UBE3B: variants seen among roughly 807,000 people sequenced by gnomAD.
UBE3B encodes ubiquitin-protein ligase E3B.
Under a neutral mutation model 132.3 loss-of-function variants are expected in UBE3B, and 80 were observed. That is an observed-to-expected ratio of 0.60 (90% CI 0.50 to 0.73). UBE3B has a LOEUF of 0.73. UBE3B is among the 30% of genes least tolerant of loss of function. UBE3B has a pLI of 0.00. For synonymous variants in UBE3B, 487 were observed against 520.4 expected, an observed-to-expected ratio of 0.94 and a Z score of 0.87; for missense variants, 1,196 against 1,362.5, an observed-to-expected ratio of 0.88 and a Z score of 1.92.
In UBE3B at chr12:109,499,784, C is replaced by T. The variant is rs1433168742; in HGVS notation, c.1092C>T (p.Gly364=). 2 of 1,609,306 alleles carry T rather than the reference C, an allele frequency of 1.2e-6. No homozygotes were observed. Among genetic ancestry groups the T allele is most frequent in the Non-Finnish European group, 1.7e-6 (2 of 1,177,530 alleles). ...TGACCCACTGGCATCCTGTCCTTGG[C>T]TGGTTCTCCCAATCTGTGGATTATG... ...SNLTHWHPVL[G]WFSQSVDYGL... The change falls in exon 12 of 28, where the codon GGC becomes GGT. Residue 364 remains glycine, a synonymous_variant. Transcript: ENST00000342494.
rs181237393 is a variant in UBE3B at position 109,504,883 on chromosome 12, G to T, written c.1450+1693G>T. Among the ~76,000 whole-genome samples the T allele has an allele frequency of 9.1e-4, 137 of 151,152 alleles. 1 individual carries two copies. The highest frequency in any genetic ancestry group is 3.2e-3 in the African/African-American group (131 of 41,110). On this transcript the variant is annotated intron_variant, in intron 14 of 27. Coordinates refer to ENST00000342494, the MANE Select transcript of UBE3B (RefSeq NM_130466.4). ...GCAGTAGCGCAATCTCGGCTCAACTGCAGGCTCCGCCTCCCAGGTTCACGC... is the reference window on the plus strand; with the variant it reads ...GCAGTAGCGCAATCTCGGCTCAACTTCAGGCTCCGCCTCCCAGGTTCACGC...
In UBE3B at chr12:109,507,566, C is replaced by T; in HGVS notation, c.1453C>T (p.Leu485Phe). ...GGGTTTCTCTGTGTTTTTTCCAGGT[C>T]TCACTTACCTTGATGACCTGCTTCC... The part of the protein sequence containing the change: ...TQIRLQILTG[L>F]TYLDDLLPKL... Residue 485 changes from leucine (L) to phenylalanine (F), a missense_variant and splice_region_variant, in exon 15 of 28, where the codon CTC becomes TTC. By Grantham distance (22) the Leu-to-Phe change is conservative. Transcript: ENST00000342494. 3 of 1,610,252 alleles carry T rather than the reference C, an allele frequency of 1.9e-6. No individual in the cohort carries two copies. Among genetic ancestry groups the T allele is most frequent in the East Asian group, 2.2e-5 (1 of 44,828 alleles).
At chr12:109,539,172 G>A (rs1050772900), downstream of UBE3B, among the ~76,000 whole-genome samples, 1 of 152,160 alleles carries the variant, frequency 6.6e-6, no homozygotes, top group Non-Finnish European at 1.5e-5. Context: ...GGAGGCGGAG[G>A]TTGCAATGAG....
intron 26 of UBE3B, 44 bp downstream of exon 26, chr12:109,530,702 A>T: frequency 1.3e-6 from 2 of 1,564,534 alleles, no homozygotes; most frequent in Non-Finnish European, 1.8e-6. Flanking sequence ...TATTCTCATA[A>T]ACCTGGAAGG....
rs1299450347 is a variant in UBE3B, at chr12:109,486,513, C to G, written c.385C>G (p.Leu129Val). The change falls in exon 6 of 28, where the codon CTT (leucine) becomes GTT (valine). Residue 129 changes from leucine (L) to valine (V), a missense_variant. Coordinates refer to ENST00000342494, the MANE Select transcript of UBE3B (RefSeq NM_130466.4). ...GGCTTGTTCTAAGGACCTCACCCTC[C>G]TTTGGATTCAACAGATCAAGAACAT... ...SLACSKDLTL[L>V]WIQQIKNILW... 6.3e-7 allele frequency: 1 copy of G among 1,577,740 alleles called. No homozygotes were observed. The highest frequency in any genetic ancestry group is 8.6e-7 in the Non-Finnish European group (1 of 1,159,894).
intron 4 of UBE3B, among the ~76,000 whole-genome samples, chr12:109,484,397 C>G (rs1876023040): frequency 6.6e-6 from 1 of 152,076 alleles, no homozygotes; most frequent in African/African-American, 2.4e-5. Flanking sequence ...GACTCATACT[C>G]TGATTTTTTT....
intron 9 of UBE3B, among the ~76,000 whole-genome samples, chr12:109,493,788 C>T (rs1300436680): frequency 6.6e-6 from 1 of 152,152 alleles, no homozygotes; most frequent in Non-Finnish European, 1.5e-5. Flanking sequence ...AACTTTTACA[C>T]GTATTAACTG....
intron 26 of UBE3B, among the ~76,000 whole-genome samples, 193 bp downstream of exon 26, chr12:109,530,851 C>A (rs1401460905): frequency 6.6e-6 from 1 of 152,202 alleles, no homozygotes; most frequent in Non-Finnish European, 1.5e-5. Flanking sequence ...CACGGCCGAG[C>A]CTGCTGTGTG....
In UBE3B at chr12:109,534,523, G is replaced by T; in HGVS notation, c.3016-68G>T. The T allele has an allele frequency of 3.3e-6, 5 of 1,537,318 alleles. No individual in the cohort carries two copies. Among genetic ancestry groups the T allele is most frequent in the Non-Finnish European group, 3.5e-6 (4 of 1,142,150 alleles). On this transcript the variant is annotated intron_variant, in intron 27 of 27. Transcript: ENST00000342494. This position sits in a 1 kb window ranked among gnomAD's most constrained non-coding sequence, Gnocchi z 5.2. ...CCAGATCCCCTCCCTGGGCTCCCTGGCCTTGGCATCAGCCTGGGCTCCCAA... is the reference window on the plus strand; with the variant it reads ...CCAGATCCCCTCCCTGGGCTCCCTGTCCTTGGCATCAGCCTGGGCTCCCAA...
chr12:109,484,119 G>C, intron 4 of UBE3B, 138 bp downstream of exon 4: 1 of 968,908 alleles, frequency 1.0e-6, no homozygotes, highest in Non-Finnish European at 1.5e-6. Flanking sequence ...TGTTTTCTTG[G>C]GACCTGTTTT....
intron 17 of UBE3B, among the ~76,000 whole-genome samples, chr12:109,510,764 G>A (rs996237936): frequency 6.2e-4 from 95 of 152,344 alleles, no homozygotes; most frequent in African/African-American, 2.0e-3. Flanking sequence ...GAGCATGAGA[G>A]TTAAAAGGCA....
At chr12:109,532,539 C>G (rs891518235) in intron 26 of UBE3B, among the ~76,000 whole-genome samples, 2 of 152,176 alleles carry the variant, frequency 1.3e-5, no homozygotes, top group African/African-American at 4.8e-5. Context: ...CCTGTATCCC[C>G]TAGAGAAGGG....
At chr12:109,490,940 T>C in intron 8 of UBE3B, 105 bp from the exon 9 acceptor site, 3 of 1,274,408 alleles carry the variant, frequency 2.4e-6, no homozygotes, top group Non-Finnish European at 3.3e-6. Flanking sequence ...TGGCTCACAA[T>C]ACAGTTTTTT....
At chr12:109,523,354 G>A (rs541350140) in intron 21 of UBE3B, among the ~76,000 whole-genome samples, 16 of 152,298 alleles carry the variant, frequency 1.1e-4, no homozygotes, top group Admixed American at 3.3e-4. Flanking sequence ...TCCCTTCCCT[G>A]CTCAGAGCCC....
chr12:109,479,225 T>C (rs1251588432), intron 1 of UBE3B, among the ~76,000 whole-genome samples: 3 of 152,224 alleles, frequency 2.0e-5, no homozygotes, highest in Non-Finnish European at 2.9e-5. Context: ...TATATGATTC[T>C]TGTTTCCCTA....
At chr12:109,500,518 G>A (rs1878836338) in intron 12 of UBE3B, among the ~76,000 whole-genome samples, 1 of 152,150 alleles carries the variant, frequency 6.6e-6, no homozygotes, top group African/African-American at 2.4e-5. Flanking sequence ...TGACATCCCT[G>A]GGTCCTATCT....
rs545764491 is a variant in UBE3B, at chr12:109,516,923, G to C, written c.2076+39G>C. 1.9e-6 allele frequency: 3 copies of C among 1,602,104 alleles called. No homozygotes were observed. The African/African-American group carries it at 4.0e-5, about 21-fold the overall frequency. On this transcript the variant is annotated intron_variant, in intron 19 of 27. Transcript: ENST00000342494. ...CTATGGAATCCTACCACAAGGAAGT[G>C]GGCCCTGCAACATGGAAGCTCTTTA... is the stretch of plus-strand genomic sequence containing the variant.
intron 19 of UBE3B, chr12:109,517,794 A>C: frequency 3.3e-6 from 1 of 302,668 alleles, no homozygotes; most frequent in Admixed American, 3.4e-5. Flanking sequence ...GGATCCCCTG[A>C]AGTATGTGGC....
chr12:109,509,549 C>T (rs762136971), intron 15 of UBE3B, 47 bp from the exon 16 acceptor site: 52 of 1,331,712 alleles, frequency 3.9e-5, no homozygotes, highest in Non-Finnish European at 4.9e-5. Flanking sequence ...TTTTTCTCTT[C>T]GCCTTTTTTC....
Sources: gnomAD v4.1 joint callset for allele counts (sites outside exome capture counted in the v4.1 genomes callset) on GRCh38, gnomAD v4.1.1 for gene constraint, Gnocchi (gnomAD v3.1) non-coding constraint, MANE v1.5 for transcripts, NCBI Gene and HGNC (gene_info 2026-07-23, HGNC 2026-07-21) for gene names.